NCOA2: variants seen among roughly 807,000 people sequenced by gnomAD.
The protein encoded by NCOA2 is class E basic helix-loop-helix protein 75.
Under a neutral mutation model 145.1 loss-of-function variants are expected in NCOA2, and 21 were observed. The ratio of observed to expected loss-of-function variants is 0.14; its 90% CI spans 0.10 to 0.21. The LOEUF is 0.21. Among genes scored for constraint, NCOA2 ranks in the 10% least tolerant of loss-of-function variants. NCOA2 has a pLI of 1.00. For synonymous variants in NCOA2, 619 were observed against 637.5 expected (o/e 0.97, Z 0.44); for missense variants, 1,472 against 1,837.6 (o/e 0.80, Z 3.64).
chr8:70,126,812 C>T lies in NCOA2; in HGVS notation c.3916+1G>A. On this transcript the variant is annotated splice_donor_variant, in intron 19 of 22. Coordinates refer to ENST00000452400, the MANE Select transcript of NCOA2 (RefSeq NM_006540.4). LOFTEE classifies it high-confidence loss of function. ...AGGTGGTGGGGATCTAAGTCCAGTACCGTAGTTTGGAGGAAATGGAAACTG... is the reference window on the plus strand; with the variant it reads ...AGGTGGTGGGGATCTAAGTCCAGTATCGTAGTTTGGAGGAAATGGAAACTG... 6.2e-7 allele frequency: 1 copy of T among 1,613,198 alleles called. No homozygotes were observed. Among genetic ancestry groups the T allele is most frequent in the Non-Finnish European group, 8.5e-7 (1 of 1,179,312 alleles).
chr8:70,394,467 T>C (rs1156879086), intron 1 of NCOA2, among the ~76,000 whole-genome samples: 1 of 152,192 alleles, frequency 6.6e-6, no homozygotes, highest in Admixed American at 6.5e-5. Flanking sequence ...AATAACATGT[T>C]GAAATGAAAT....
chr8:70,402,380 C>T (rs1305483816), intron 1 of NCOA2: 1 of 152,494 alleles, frequency 6.6e-6, no homozygotes, highest in Non-Finnish European at 1.5e-5. Flanking sequence ...AGGCCCAGTC[C>T]AGCTCCGGGC....
At chr8:70,318,005 C>T (rs1396562054) in intron 1 of NCOA2, among the ~76,000 whole-genome samples, 1 of 152,052 alleles carries the variant, frequency 6.6e-6, no homozygotes, top group African/African-American at 2.4e-5. Context: ...GAAAATGAAA[C>T]ACTTAAAACT....
chr8:70,195,346 T>C (rs183284960), intron 4 of NCOA2, among the ~76,000 whole-genome samples: 15 of 152,328 alleles, frequency 9.8e-5, no homozygotes, highest in Admixed American at 4.6e-4. Context: ...CTGTAAACAC[T>C]AGAGTGATGA....
chr8:70,151,177 A>G (rs1811706760), intron 11 of NCOA2, among the ~76,000 whole-genome samples: 1 of 152,198 alleles, frequency 6.6e-6, no homozygotes, highest in South Asian at 2.1e-4. Flanking sequence ...GTAAACAATA[A>G]AAGTAAAGTA....
intron 2 of NCOA2, among the ~76,000 whole-genome samples, chr8:70,264,189 T>C (rs1009869155): frequency 2.9e-4 from 43 of 150,184 alleles, no homozygotes; most frequent in Admixed American, 2.7e-4. Context: ...TCATCCAGCC[T>C]GGGCAACAAG....
the NCOA2 span, among the ~76,000 whole-genome samples, chr8:70,436,548 G>A: frequency 6.6e-6 from 1 of 152,112 alleles, no homozygotes; most frequent in Non-Finnish European, 1.5e-5. Flanking sequence ...CCTCCAGTTT[G>A]CCTAGATGTA....
chr8:70,129,914 C>A (rs1330946685), intron 16 of NCOA2, among the ~76,000 whole-genome samples: 1 of 152,204 alleles, frequency 6.6e-6, no homozygotes, highest in Non-Finnish European at 1.5e-5. Context: ...AGGTGATCTG[C>A]CCGTTTCAGC....
In NCOA2 at chr8:70,263,351, G is replaced by A. The variant is rs539087622; in HGVS notation, c.-20+33393C>T. Among the ~76,000 whole-genome samples, 7 of 151,702 alleles carry A rather than the reference G, an allele frequency of 4.6e-5. No homozygotes were observed. The South Asian group carries it at 1.5e-3, about 32-fold the overall frequency. On this transcript the variant is annotated intron_variant, in intron 2 of 22. Coordinates refer to ENST00000452400, the MANE Select transcript of NCOA2 (RefSeq NM_006540.4). ...AATTTAAAACTCATGGATTATTTCT[G>A]GAATATTCCATGCAATAAATTTGGG...
intron 1 of NCOA2, among the ~76,000 whole-genome samples, chr8:70,327,057 A>G (rs16936921): frequency 0.067 from 10,256 of 152,158 alleles, 447 homozygotes; most frequent in East Asian, 0.16. Flanking sequence ...TCCTTGCCTA[A>G]CTTCAAAGTT....
intron 1 of NCOA2, among the ~76,000 whole-genome samples, chr8:70,338,868 A>G (rs566286878): frequency 2.0e-5 from 3 of 152,260 alleles, no homozygotes; most frequent in South Asian, 4.2e-4. Flanking sequence ...ATCTCAATAC[A>G]CGCAGAAAAG....
At chr8:70,199,874 G>A (rs576005204) in intron 4 of NCOA2, among the ~76,000 whole-genome samples, 6 of 152,166 alleles carry the variant, frequency 3.9e-5, no homozygotes, top group South Asian at 2.1e-4. Context: ...AGGATTTTTC[G>A]TACCTCTATA....
chr8:70,142,088 G>GT (rs1030756736), intron 13 of NCOA2, among the ~76,000 whole-genome samples: 28 of 152,172 alleles, frequency 1.8e-4, no homozygotes, highest in African/African-American at 6.5e-4. Flanking sequence ...ACATAAGAGC[G>GT]TAACGCTGCT....
the NCOA2 span, among the ~76,000 whole-genome samples, chr8:70,451,193 G>C: frequency 7.3e-6 from 1 of 136,944 alleles, no homozygotes; most frequent in Non-Finnish European, 1.5e-5. Context: ...GCTCCGGTCT[G>C]GGGGACAGAG....
intron 1 of NCOA2, among the ~76,000 whole-genome samples, chr8:70,377,376 G>A (rs932993658): frequency 1.3e-5 from 2 of 150,588 alleles, no homozygotes; most frequent in South Asian, 2.1e-4. Flanking sequence ...ATTAGAAAAG[G>A]AATAGTACCT....
intron 16 of NCOA2, among the ~76,000 whole-genome samples, chr8:70,130,795 G>T (rs1585760168): frequency 6.6e-6 from 1 of 152,166 alleles, no homozygotes; most frequent in African/African-American, 2.4e-5. Context: ...AAGAAATAAA[G>T]ATGATTCATG....
At chr8:70,413,430 A>T in the NCOA2 span, among the ~76,000 whole-genome samples, 1 of 152,224 alleles carries the variant, frequency 6.6e-6, no homozygotes, top group African/African-American at 2.4e-5. Context: ...ACTAAAGAAC[A>T]TTCAAAGAAA....
In NCOA2 at chr8:70,184,812, G is replaced by GC. The variant is rs1342381836; in HGVS notation, c.260-9954dup. ...GAAGCTTGCAAGGCTTCACACCCAG[G>GC]CCGCTGCTTCACCTTAATGGTGGCT... On this transcript the variant is annotated intron_variant, in intron 4 of 22. Coordinates refer to ENST00000452400, the MANE Select transcript of NCOA2 (RefSeq NM_006540.4). Among the ~76,000 whole-genome samples the GC allele has an allele frequency of 2.6e-5, 4 of 152,234 alleles. No homozygotes were observed. The East Asian group carries it at 7.7e-4, about 29-fold the overall frequency.
chr8:70,133,379 C>G (rs936993567), intron 15 of NCOA2, among the ~76,000 whole-genome samples: 1 of 151,872 alleles, frequency 6.6e-6, no homozygotes, highest in Non-Finnish European at 1.5e-5. Context: ...TGTACCACCA[C>G]GCTTGGCTAA....
Sources: gnomAD v4.1 joint callset for allele counts (sites outside exome capture counted in the v4.1 genomes callset) on GRCh38, gnomAD v4.1.1 for gene constraint, MANE v1.5 for transcripts, NCBI Gene and HGNC (gene_info 2026-07-23, HGNC 2026-07-21) for gene names.